Variants in IQSEC2 observed in about 807,000 individuals in gnomAD.
IQSEC2 encodes the protein IQ motif and SEC7 domain-containing protein 2.
IQSEC2 carries 6 observed loss-of-function variants against 74.6 expected under a neutral mutation model. The observed-to-expected ratio is 0.08, with a 90% CI of 0.04 to 0.16. The LOEUF (loss-of-function observed/expected upper bound fraction) is 0.16, where lower values mean the gene tolerates loss of function less well. Ranked by LOEUF, IQSEC2 falls within the 10% of genes least tolerant of loss-of-function variation. IQSEC2 has a pLI of 1.00. For synonymous variants in IQSEC2, 494 were observed against 544.5 expected (o/e 0.91, Z 1.29); for missense variants, 734 against 1,306.2 (o/e 0.56, Z 6.75).
intron 3 of IQSEC2, among the ~76,000 whole-genome samples, 188 bp from the exon 4 acceptor site, chrX:53,255,119 TTA>T (rs1216161821): frequency 9.1e-6 from 1 of 109,927 alleles, no homozygotes; most frequent in African/African-American, 3.3e-5. Flanking sequence ...TGGGATTGGA[TTA>T]TGTTTTGTTT....
At chrX:53,266,008 T>A (rs2074650550) in intron 2 of IQSEC2, among the ~76,000 whole-genome samples, 1 of 112,381 alleles carries the variant, frequency 8.9e-6, no homozygotes, top group African/African-American at 3.2e-5. Context: ...TAAATTCACA[T>A]AATCATAGCT....
rs935441396 is a variant in IQSEC2, at chrX:53,303,942, A to C, written c.708-12018T>G. 4.5e-5 allele frequency among the ~76,000 whole-genome samples: 5 copies of C among 111,092 alleles called. No individual in the cohort carries two copies. The Admixed American group carries it at 4.8e-4, about 11-fold the overall frequency. On this transcript the variant is annotated intron_variant, in intron 1 of 14. Transcript: ENST00000642864. ...TTAGGAGTTCAAGACCAGCCTGGCC[A>C]AGATGGTGAAACCCCGTCTCTACTA...
At chrX:53,275,728 C>CT (rs1219701474) in intron 2 of IQSEC2, among the ~76,000 whole-genome samples, 1,301 of 81,619 alleles carry the variant, frequency 0.016, 17 homozygotes, top group Non-Finnish European at 0.023. Context: ...TGCCCTCATT[C>CT]TTTTTTTTTT....
intron 2 of IQSEC2, among the ~76,000 whole-genome samples, chrX:53,275,850 C>T (rs781807665): frequency 1.6e-5 from 1 of 60,615 alleles, no homozygotes; most frequent in South Asian, 9.5e-4. Context: ...CCCGCCACCA[C>T]GCCTGGCAAT....
At chrX:53,260,528 C>T (rs2074553409) in intron 2 of IQSEC2, among the ~76,000 whole-genome samples, 1 of 111,489 alleles carries the variant, frequency 9.0e-6, no homozygotes, top group Non-Finnish European at 1.9e-5. Context: ...CTTCAACTTC[C>T]TCACTGTGGC....
chrX:53,281,617 A>G, intron 2 of IQSEC2: 3 of 1,016,025 alleles, frequency 3.0e-6, no homozygotes, highest in Non-Finnish European at 3.9e-6. Context: ...TAGAAGGAGG[A>G]ACCAAGAAGG....
chrX:53,291,507 G>A (rs2075099708), intron 2 of IQSEC2, among the ~76,000 whole-genome samples: 1 of 111,190 alleles, frequency 9.0e-6, no homozygotes, highest in African/African-American at 3.3e-5. Context: ...CAGATTCAGG[G>A]TGGAAAGTGA....
At chrX:53,300,028 G>C (rs782210151) in intron 1 of IQSEC2, among the ~76,000 whole-genome samples, 2 of 111,247 alleles carry the variant, frequency 1.8e-5, no homozygotes, top group African/African-American at 6.5e-5. Flanking sequence ...CCAAAGTTGG[G>C]GGGGGAATTA....
In IQSEC2 at chrX:53,321,100, C is replaced by T. The variant is rs1556880350; in HGVS notation, c.24G>A (p.Pro8=). Residue 8 remains proline, a synonymous_variant, in exon 1 of 15, where the codon CCG becomes CCA. Transcript: ENST00000642864. ...TTGGGCTCTCGGATCCCGGGCCGCC[C>T]GGGGGCCCCGACCCCGCCTCCATCC... The part of the protein sequence containing the change: MEAGSGP[P]GGPGSESPNR... 2.6e-6 allele frequency: 3 copies of T among 1,148,341 alleles called. No homozygotes were observed. The Admixed American group carries it at 7.7e-5, about 30-fold the overall frequency. 94.6% of individuals were successfully genotyped at this position (1,148,341 alleles called of 1,213,427 possible).
intron 2 of IQSEC2, among the ~76,000 whole-genome samples, chrX:53,277,515 G>A (rs192268621): frequency 8.2e-5 from 9 of 110,042 alleles, no homozygotes; most frequent in African/African-American, 2.0e-4. Flanking sequence ...TACCACGCCC[G>A]GCCACTTTGA....
intron 2 of IQSEC2, among the ~76,000 whole-genome samples, chrX:53,274,892 T>A (rs1328097258): frequency 8.9e-6 from 1 of 111,807 alleles, no homozygotes; most frequent in Non-Finnish European, 1.9e-5. Flanking sequence ...TGTATCTTTT[T>A]CTTACTAGTT....
chrX:53,252,848 T>C (rs1275758875), intron 4 of IQSEC2, among the ~76,000 whole-genome samples: 1 of 112,236 alleles, frequency 8.9e-6, no homozygotes, highest in Non-Finnish European at 1.9e-5. Flanking sequence ...TACTTCCCCA[T>C]CAGACTTCAA....
intron 1 of IQSEC2, among the ~76,000 whole-genome samples, chrX:53,312,688 T>TA (rs1556878264): frequency 8.9e-6 from 1 of 112,663 alleles, no homozygotes; most frequent in African/African-American, 3.2e-5. Flanking sequence ...ATGGGTTGTT[T>TA]ATGAATTGGC....
At chrX:53,295,371 G>A (rs1021794867) in intron 1 of IQSEC2, among the ~76,000 whole-genome samples, 6 of 110,824 alleles carry the variant, frequency 5.4e-5, no homozygotes, top group Non-Finnish European at 9.5e-5. Flanking sequence ...TTGGGAGGCC[G>A]AGGCGGGCAG....
intron 1 of IQSEC2, among the ~76,000 whole-genome samples, chrX:53,319,547 G>A (rs1174619904): frequency 9.0e-6 from 1 of 111,221 alleles, no homozygotes; most frequent in East Asian, 2.8e-4. Flanking sequence ...GCAGCCTTGG[G>A]AGTCTGCACG....
intron 2 of IQSEC2, among the ~76,000 whole-genome samples, chrX:53,276,574 G>A (rs2147231858): frequency 8.9e-6 from 1 of 112,295 alleles, no homozygotes; most frequent in East Asian, 2.8e-4. Flanking sequence ...AAAACTTCCA[G>A]AAAAATATTG....
At chrX:53,252,952 T>C (rs1239803554) in intron 4 of IQSEC2, among the ~76,000 whole-genome samples, 1 of 111,986 alleles carries the variant, frequency 8.9e-6, no homozygotes, top group Non-Finnish European at 1.9e-5. Flanking sequence ...GGTTTCTCTC[T>C]TTTTAGCTCA....
rs782424441 is a variant in IQSEC2 at position 53,281,856 on chromosome X, A to G, written c.737+10039T>C. The stretch of plus-strand genomic sequence containing the variant: ...GCTGGCTCTATTCTCCTGAACAGAA[A>G]ATTGAGATGGAGAGAGGTGAAGTAA... On this transcript the variant is annotated intron_variant, in intron 2 of 14. Transcript: ENST00000642864. 3.6e-5 allele frequency among the ~76,000 whole-genome samples: 4 copies of G among 111,789 alleles called. No individual in the cohort carries two copies. The South Asian group carries it at 1.5e-3, about 42-fold the overall frequency.
chrX:53,286,948 A>AG, intron 2 of IQSEC2, among the ~76,000 whole-genome samples: 1 of 104,254 alleles, frequency 9.6e-6, no homozygotes, highest in East Asian at 2.9e-4. Flanking sequence ...TCAAAAAAAA[A>AG]AAAAAAAAAG....
Sources: allele counts gnomAD v4.1 joint callset (sites outside exome capture counted in the v4.1 genomes callset), GRCh38; gene constraint gnomAD v4.1.1; transcripts MANE v1.5; gene names NCBI Gene and HGNC (gene_info 2026-07-23, HGNC 2026-07-21).